DIS3L2: variants seen among roughly 807,000 people sequenced by gnomAD.
The protein encoded by DIS3L2 is DIS3-like exonuclease 2.
Under a neutral mutation model 97.5 loss-of-function variants are expected in DIS3L2, and 34 were observed. The ratio of observed to expected loss-of-function variants is 0.35; its 90% confidence interval spans 0.27 to 0.46. The LOEUF (loss-of-function observed/expected upper bound fraction) is 0.46. Ranked by LOEUF, DIS3L2 falls within the 20% of genes least tolerant of loss-of-function variation. The probability of loss-of-function intolerance (pLI) is 1.00; values close to 1 mark genes in which losing one functional copy is unlikely to be tolerated. For missense variants in DIS3L2, 1,038 were observed against 1,146.0 expected, an observed-to-expected ratio of 0.91 and a Z score of 1.36; for synonymous variants, 435 against 445.2, an observed-to-expected ratio of 0.98 and a Z score of 0.29.
chr2:232,082,426 G>A (rs963189995), intron 5 of DIS3L2, among the ~76,000 whole-genome samples: 10 of 152,100 alleles, frequency 6.6e-5, no homozygotes, highest in African/African-American at 1.2e-4. Context: ...CTTGAGCCCC[G>A]CCTCCTGTCA....
intron 11 of DIS3L2, among the ~76,000 whole-genome samples, chr2:232,240,026 C>T (rs1010016924): frequency 6.6e-6 from 1 of 152,220 alleles, no homozygotes; most frequent in Admixed American, 6.5e-5. Flanking sequence ...TCTTCCACCC[C>T]ATGGTGGAAA....
At chr2:232,294,416 C>T (rs568600248) in intron 13 of DIS3L2, among the ~76,000 whole-genome samples, 1 of 152,306 alleles carries the variant, frequency 6.6e-6, no homozygotes, top group South Asian at 2.1e-4. Flanking sequence ...CCCATTCATT[C>T]ATCTTTTGAA....
chr2:232,199,266 G>GA (rs1324913248), intron 9 of DIS3L2, among the ~76,000 whole-genome samples: 4 of 152,058 alleles, frequency 2.6e-5, no homozygotes, highest in East Asian at 1.9e-4. Context: ...CATATTTCTT[G>GA]AAAAAAGTCA....
chr2:232,171,095 G>C (rs1015244591), intron 9 of DIS3L2, among the ~76,000 whole-genome samples: 1 of 152,200 alleles, frequency 6.6e-6, no homozygotes, highest in African/African-American at 2.4e-5. Flanking sequence ...CCAGGGCCTA[G>C]CTAGGTGATT....
intron 5 of DIS3L2, among the ~76,000 whole-genome samples, chr2:232,043,468 G>A (rs1695160736): frequency 6.6e-6 from 1 of 152,132 alleles, no homozygotes. Flanking sequence ...TGACTCTCAC[G>A]CTGGACTAAT....
At chr2:232,329,667 A>T in intron 14 of DIS3L2, 146 bp from the exon 15 acceptor site, 2 of 804,330 alleles carry the variant, frequency 2.5e-6, no homozygotes, top group Non-Finnish European at 3.7e-6. Context: ...TTGGCGGAAC[A>T]CATGAGATGA....
At chr2:231,969,029 C>T (rs940511117) in intron 1 of DIS3L2, among the ~76,000 whole-genome samples, 15 of 152,098 alleles carry the variant, frequency 9.9e-5, no homozygotes, top group African/African-American at 3.6e-4. Context: ...TGCCTGCCGC[C>T]GCCGTGTAAG....
At chr2:232,008,603 G>C (rs1308389503) in intron 1 of DIS3L2, among the ~76,000 whole-genome samples, 2 of 152,148 alleles carry the variant, frequency 1.3e-5, no homozygotes, top group Non-Finnish European at 2.9e-5. Context: ...GGGATGGTAG[G>C]GTTAGTACAA....
chr2:232,099,203 AG>A (rs1332135117), intron 6 of DIS3L2, among the ~76,000 whole-genome samples: 4 of 151,914 alleles, frequency 2.6e-5, no homozygotes, highest in African/African-American at 9.7e-5. Context: ...AGGTAATATT[AG>A]GGTAGTATTT....
chr2:232,304,421 A>T (rs1436379927), intron 14 of DIS3L2, among the ~76,000 whole-genome samples: 1 of 152,224 alleles, frequency 6.6e-6, no homozygotes, highest in East Asian at 1.9e-4. Context: ...CAGGGTTTGT[A>T]TAAGGAGCAA....
intron 6 of DIS3L2, among the ~76,000 whole-genome samples, chr2:232,102,804 G>C (rs1697244159): frequency 6.6e-6 from 1 of 152,174 alleles, no homozygotes; most frequent in African/African-American, 2.4e-5. Flanking sequence ...CTTTGGCCCT[G>C]AAGTAACTCT....
intron 8 of DIS3L2, among the ~76,000 whole-genome samples, chr2:232,148,325 G>A (rs1050228441): frequency 8.5e-5 from 13 of 152,218 alleles, no homozygotes; most frequent in African/African-American, 2.6e-4. Flanking sequence ...GGGATTACCT[G>A]TGTGAGCCAC....
At chr2:232,258,619 AAG>A (rs1491127420) in intron 12 of DIS3L2, among the ~76,000 whole-genome samples, 2 of 151,538 alleles carry the variant, frequency 1.3e-5, no homozygotes, top group African/African-American at 4.8e-5. Flanking sequence ...AAAAAAAAAA[AAG>A]GAAAGAGGAA....
intron 5 of DIS3L2, among the ~76,000 whole-genome samples, chr2:232,065,217 A>G (rs181403836): frequency 9.9e-5 from 15 of 152,196 alleles, no homozygotes; most frequent in African/African-American, 3.6e-4. Flanking sequence ...TTCATTTTAT[A>G]CAACTGGAAC....
chr2:232,336,371 AGGAGGGGCCAGGGGTC>A (rs960432623), intron 20 of DIS3L2, 82 bp from the exon 21 acceptor site: 6 of 1,549,208 alleles, frequency 3.9e-6, no homozygotes, highest in Non-Finnish European at 5.2e-6. Flanking sequence ...CAGAGGCCGA[AGGAGGGGCCAGGGGTC>A]CTGCTGCAGG....
chr2:232,192,464 T>C (rs977422714), intron 9 of DIS3L2, among the ~76,000 whole-genome samples: 3 of 152,224 alleles, frequency 2.0e-5, no homozygotes, highest in African/African-American at 7.2e-5. Flanking sequence ...TCAGAAGCAC[T>C]TCATACTTCC....
intron 9 of DIS3L2, among the ~76,000 whole-genome samples, chr2:232,168,669 G>C (rs547063346): frequency 4.9e-4 from 75 of 152,166 alleles, no homozygotes; most frequent in African/African-American, 1.5e-3. Context: ...TTTTTCATCT[G>C]TACACCTCAC....
intron 1 of DIS3L2, among the ~76,000 whole-genome samples, chr2:231,969,267 A>G (rs2106215334): frequency 6.7e-6 from 1 of 150,308 alleles, no homozygotes; most frequent in South Asian, 2.1e-4. Context: ...AATCTTCTCC[A>G]TCAATCTGGC....
At chr2:232,118,951 T>C (rs1220820774) in intron 6 of DIS3L2, among the ~76,000 whole-genome samples, 4 of 152,244 alleles carry the variant, frequency 2.6e-5, no homozygotes, top group African/African-American at 9.6e-5. Flanking sequence ...TCTCCTTTAA[T>C]CTATCTAGCT....
Sources: gnomAD v4.1 joint callset for allele counts (sites outside exome capture counted in the v4.1 genomes callset) on GRCh38, gnomAD v4.1.1 for gene constraint, MANE v1.5 for transcripts, NCBI Gene and HGNC (gene_info 2026-07-23, HGNC 2026-07-21) for gene names.